RUVBL1: variants seen among roughly 807,000 people sequenced by gnomAD.
RUVBL1 encodes RuvB like AAA ATPase 1.
A neutral mutation model predicts 52.4 loss-of-function variants in RUVBL1; 4 were observed. The ratio of observed to expected loss-of-function variants is 0.08; its 90% CI spans 0.04 to 0.17. The LOEUF is 0.17. RUVBL1 is among the 10% of genes least tolerant of loss of function. The probability of loss-of-function intolerance (pLI) is 1.00; values close to 1 mark genes in which losing one functional copy is unlikely to be tolerated. For synonymous variants in RUVBL1, 217 were observed against 214.4 expected (o/e 1.01, Z -0.10); for missense variants, 298 against 572.8 (o/e 0.52, Z 4.90).
In RUVBL1 at chr3:128,067,478, C is replaced by T; in HGVS notation, c.940-2258G>A. The T allele has an allele frequency of 1.9e-6, 3 of 1,614,198 alleles. No homozygotes were observed. Among genetic ancestry groups the T allele is most frequent in the Non-Finnish European group, 2.5e-6 (3 of 1,180,036 alleles). On this transcript the variant is annotated intron_variant, in intron 9 of 9. Coordinates refer to the RUVBL1 transcript ENST00000464873. This position sits in a 1 kb window ranked among gnomAD's most constrained non-coding sequence, Gnocchi z 4.1. Reference sequence around the variant, plus strand: ...TCCAGTTGGTGGCCTTTGCTATTACCTGTCCCCTCCAGAATCTTTTGGCTC... The same window carrying T: ...TCCAGTTGGTGGCCTTTGCTATTACTTGTCCCCTCCAGAATCTTTTGGCTC...
chr3:128,100,155 G>A (rs1234904169), intron 6 of RUVBL1, among the ~76,000 whole-genome samples: 3 of 152,226 alleles, frequency 2.0e-5, no homozygotes, highest in East Asian at 1.9e-4. Flanking sequence ...CCATCTGTAT[G>A]AGAAGCAGAC....
intron 8 of RUVBL1, among the ~76,000 whole-genome samples, chr3:128,094,115 C>CA (rs1355149137): frequency 1.3e-5 from 2 of 151,988 alleles, no homozygotes; most frequent in Non-Finnish European, 2.9e-5. Context: ...CATAATTCTG[C>CA]AAAAAAGGTG....
intron 9 of RUVBL1, chr3:128,069,680 G>A (rs770546366): frequency 3.1e-6 from 5 of 1,610,742 alleles, no homozygotes; most frequent in Non-Finnish European, 4.2e-6. Flanking sequence ...TCCCGGACAG[G>A]TTGAGGAAGC....
Position 128,101,630 on chromosome 3 carries a change from C to T in RUVBL1, c.532G>A (p.Glu178Lys). 6.2e-7 allele frequency: 1 copy of T among 1,613,674 alleles called. No homozygotes were observed. Among genetic ancestry groups the T allele is most frequent in the Non-Finnish European group, 8.5e-7 (1 of 1,179,962 alleles). ...TCTACTCGCTCTTTCTGCAAACTTT[C>T]AAAAATGCTGGGGTCCAGCTAAAAA... ...KQLKLDPSIF[E>K]SLQKERVEAG... is the part of the protein sequence containing the mutation. The change falls in exon 5 of 11, where the codon GAA (glutamate) becomes AAA (lysine). Residue 178 changes from glutamate (E) to lysine (K), a missense_variant. Around this residue, in one of 5 missense-constraint regions of RUVBL1, gnomAD observed 58 missense variants for 83.2 expected, o/e 0.70. Coordinates refer to ENST00000322623, the MANE Select transcript of RUVBL1 (RefSeq NM_003707.3).
intron 9 of RUVBL1, chr3:128,084,841 A>G (rs924925786): frequency 6.6e-6 from 1 of 152,298 alleles, no homozygotes; most frequent in Non-Finnish European, 1.5e-5. Flanking sequence ...CAAAGCCACG[A>G]GTCCTGAGAG....
Position 128,097,460 on chromosome 3 carries a change from A to G in RUVBL1, c.856T>C (p.Tyr286His). The G allele has an allele frequency of 6.2e-7, 1 of 1,614,168 alleles. No individual in the cohort carries two copies. Among genetic ancestry groups the G allele is most frequent in the Non-Finnish European group, 8.5e-7 (1 of 1,180,030 alleles). Residue 286 changes from tyrosine to histidine, a missense_variant, in exon 8 of 11, where the codon TAC becomes CAC. Tyr to His is a moderately conservative substitution (Grantham distance 83, BLOSUM62 2). Coordinates refer to ENST00000322623, the MANE Select transcript of RUVBL1 (RefSeq NM_003707.3). ...RGEINKVVNK[Y>H]IDQGIAELVP... is the part of the protein sequence containing the mutation. ...AGCTCAGCAATGCCCTGGTCGATGT[A>G]CTTGTTCACCACCTTATTAATCTCC...
chr3:128,100,817 G>A (rs1024375572), intron 5 of RUVBL1, 73 bp from the exon 6 acceptor site: 1 of 1,564,598 alleles, frequency 6.4e-7, no homozygotes, highest in Non-Finnish European at 8.7e-7. Context: ...AGGGCTAAGT[G>A]AGATAAAGGT....
rs372296453 is a variant in RUVBL1 at position 128,140,228 on chromosome 3, G to GTTT, written c.-40+12972_-40+12974dup. ...TGATATGATACAAGTTTTTTTGTTT[G>GTTT]TTTGTTTTTTTTTTTTTTGAGACGG... On this transcript the variant is annotated intron_variant, in intron 1 of 9. Coordinates refer to the RUVBL1 transcript ENST00000464873. Among the ~76,000 whole-genome samples the GTTT allele has an allele frequency of 6.9e-3, 369 of 53,408 alleles. 31 individuals carry two copies. The highest frequency in any genetic ancestry group is 0.027 in the East Asian group (78 of 2,934). The allele number at this position is 53,408 out of a possible 152,430, so 35.0% of individuals were successfully genotyped here. A position where few individuals can be genotyped will look rare whatever the true frequency, so the allele number is the denominator to read the frequency against.
intron 1 of RUVBL1, among the ~76,000 whole-genome samples, chr3:128,139,294 C>A (rs1943987156): frequency 6.6e-6 from 1 of 152,016 alleles, no homozygotes; most frequent in Non-Finnish European, 1.5e-5. Flanking sequence ...AAACTATTTA[C>A]CTGACAAGGG....
intron 2 of RUVBL1, among the ~76,000 whole-genome samples, chr3:128,117,134 A>C (rs1943542762): frequency 6.6e-6 from 1 of 152,216 alleles, no homozygotes; most frequent in East Asian, 1.9e-4. Context: ...TTTCAAAATG[A>C]AAAGGAAAAA....
At chr3:128,151,343 G>A (rs1323945489) in intron 1 of RUVBL1, among the ~76,000 whole-genome samples, 2 of 149,218 alleles carry the variant, frequency 1.3e-5, no homozygotes, top group African/African-American at 4.9e-5. Context: ...GGGATTACAG[G>A]CATGAACCAC....
chr3:128,107,662 T>C (rs1456564461), intron 3 of RUVBL1, among the ~76,000 whole-genome samples: 1 of 152,238 alleles, frequency 6.6e-6, no homozygotes, highest in Non-Finnish European at 1.5e-5. Context: ...AATGGAAGTT[T>C]TGGAATAGCC....
At chr3:128,103,434 T>A (rs1403445715) in intron 4 of RUVBL1, among the ~76,000 whole-genome samples, 2 of 152,186 alleles carry the variant, frequency 1.3e-5, no homozygotes, top group African/African-American at 4.8e-5. Flanking sequence ...GGAAACCCTG[T>A]TAGGAAAAAG....
intron 1 of RUVBL1, among the ~76,000 whole-genome samples, chr3:128,134,323 C>T (rs765537987): frequency 2.7e-4 from 41 of 151,250 alleles, no homozygotes; most frequent in African/African-American, 7.5e-4. Context: ...GTTACCTGGG[C>T]GCGGTGGTAG....
Position 128,153,256 on chromosome 3 carries a change from C to T in RUVBL1, c.-93G>A, listed in dbSNP as rs1944282298. 3.0e-6 allele frequency: 4 copies of T among 1,349,152 alleles called. No individual in the cohort carries two copies. The African/African-American group carries it at 6.2e-5, about 21-fold the overall frequency. The allele number at this position is 1,349,152 out of a possible 1,614,324, so 83.6% of individuals were successfully genotyped here. On this transcript the variant is annotated 5_prime_UTR_variant, in exon 1 of 10. Coordinates refer to the RUVBL1 transcript ENST00000464873. ...AGAAGGATCCCTCCATCTCGGGCTCCTAGAGGCTTCAGGCAGGAGGAGCCA... is the reference window on the plus strand; with the variant it reads ...AGAAGGATCCCTCCATCTCGGGCTCTTAGAGGCTTCAGGCAGGAGGAGCCA...
In RUVBL1 at chr3:128,149,511, C is replaced by A. The variant is rs185062937; in HGVS notation, c.-40+3692G>T. On this transcript the variant is annotated intron_variant, in intron 1 of 9. Coordinates refer to the RUVBL1 transcript ENST00000464873. ...TTGTCTTGATATAATTTCAAACTTA[C>A]CATAATTATTCTTTTTAAGGACATT... Among the ~76,000 whole-genome samples the A allele has an allele frequency of 8.5e-5, 13 of 152,280 alleles. 1 individual carries two copies. Among genetic ancestry groups the A allele is most frequent in the East Asian group, 1.9e-4 (1 of 5,186 alleles).
At chr3:128,128,007 A>AATAC (rs57824701), upstream of RUVBL1, among the ~76,000 whole-genome samples, 10,348 of 148,954 alleles carry the variant, frequency 0.069, 425 homozygotes, top group East Asian at 0.12. Flanking sequence ...AAAAATAATA[A>AATAC]ATACATACAT....
upstream of RUVBL1, among the ~76,000 whole-genome samples, chr3:128,124,862 T>A (rs963767212): frequency 1.3e-5 from 2 of 151,988 alleles, no homozygotes; most frequent in Non-Finnish European, 2.9e-5. Flanking sequence ...CAGAAGCAAA[T>A]GGTATGACAC....
chr3:128,085,356 C>CTGCCT (rs1942613474), intron 9 of RUVBL1, among the ~76,000 whole-genome samples: 1 of 152,188 alleles, frequency 6.6e-6, no homozygotes, highest in Admixed American at 6.5e-5. Flanking sequence ...CTGTGCTGGG[C>CTGCCT]TGCCTTTTTT....
Sources: allele counts gnomAD v4.1 joint callset (sites outside exome capture counted in the v4.1 genomes callset), GRCh38; gene constraint gnomAD v4.1.1; regional missense constraint gnomAD v4.1.1; non-coding constraint Gnocchi (gnomAD v3.1); transcripts MANE v1.5; gene names NCBI Gene and HGNC (gene_info 2026-07-23, HGNC 2026-07-21).